The following CCL28 variants were observed in gnomAD, a reference collection of about 807,000 sequenced individuals.
CCL28 encodes C-C motif chemokine 28.
CCL28 carries 4 observed loss-of-function variants against 7.1 expected under a neutral mutation model. The observed-to-expected ratio is 0.56, with a 90% CI of 0.28 to 1.29. The LOEUF is 1.29. Among genes scored for constraint, CCL28 ranks in the 50% most tolerant of loss-of-function variants. The pLI, the probability that CCL28 is intolerant of heterozygous loss-of-function variation, is 0.11. For missense variants in CCL28, 151 were observed against 163.4 expected (o/e 0.92, Z 0.41); for synonymous variants, 55 against 57.8 (o/e 0.95, Z 0.22).
intron 1 of CCL28, among the ~76,000 whole-genome samples, chr5:43,407,620 A>C (rs1222554564): frequency 6.6e-6 from 1 of 152,274 alleles, no homozygotes; most frequent in African/African-American, 2.4e-5. Flanking sequence ...AAGCAATGGC[A>C]ACAATAGCCA....
At chr5:43,409,348 C>A (rs1008570180) in intron 1 of CCL28, among the ~76,000 whole-genome samples, 1 of 152,108 alleles carries the variant, frequency 6.6e-6, no homozygotes, top group African/African-American at 2.4e-5. Context: ...ATTGCTTGAA[C>A]CCAGGAGGCG....
chr5:43,400,481 G>A (rs1259550212), intron 1 of CCL28, among the ~76,000 whole-genome samples: 1 of 152,092 alleles, frequency 6.6e-6, no homozygotes, highest in Non-Finnish European at 1.5e-5. Flanking sequence ...CACTGCGCCT[G>A]GCAGATTTTG....
chr5:43,407,223 C>T (rs1031874638), intron 1 of CCL28, among the ~76,000 whole-genome samples: 2 of 152,140 alleles, frequency 1.3e-5, no homozygotes, highest in Non-Finnish European at 2.9e-5. Flanking sequence ...GGAGGCATCA[C>T]ACTACCTGAC....
the CCL28 span, among the ~76,000 whole-genome samples, chr5:43,369,501 T>A: frequency 6.6e-6 from 1 of 152,182 alleles, no homozygotes; most frequent in Non-Finnish European, 1.5e-5. Context: ...CTTGGCTCAC[T>A]GCAACCTCCG....
chr5:43,393,423 C>T (rs574333603), intron 1 of CCL28, among the ~76,000 whole-genome samples: 2 of 151,844 alleles, frequency 1.3e-5, no homozygotes, highest in East Asian at 1.9e-4. Flanking sequence ...GGCACAATCT[C>T]GGCTCACTGC....
At chr5:43,401,590 G>C (rs576844495) in intron 1 of CCL28, among the ~76,000 whole-genome samples, 1 of 152,196 alleles carries the variant, frequency 6.6e-6, no homozygotes, top group East Asian at 1.9e-4. Flanking sequence ...ATCTACCTCA[G>C]GGTTATTGTG....
the CCL28 span, among the ~76,000 whole-genome samples, chr5:43,358,294 G>A: frequency 6.6e-6 from 1 of 152,188 alleles, no homozygotes; most frequent in Non-Finnish European, 1.5e-5. Flanking sequence ...TAGAATGAGT[G>A]TTGCCATGAG....
chr5:43,387,299 C>A (rs1740380849), intron 2 of CCL28, among the ~76,000 whole-genome samples: 1 of 152,186 alleles, frequency 6.6e-6, no homozygotes, highest in Admixed American at 6.5e-5. Flanking sequence ...AACCGTGTAA[C>A]CTGAGTCACA....
intron 1 of CCL28, among the ~76,000 whole-genome samples, chr5:43,388,779 C>T (rs900110769): frequency 5.9e-5 from 9 of 152,188 alleles, no homozygotes; most frequent in Admixed American, 3.9e-4. Context: ...GAGGTCAACA[C>T]GGTGTTTCAT....
At chr5:43,376,629 C>T (rs1205012181), downstream of CCL28, 3 of 152,222 alleles carry the variant, frequency 2.0e-5, no homozygotes, top group African/African-American at 7.2e-5. Context: ...CAGACTGATA[C>T]ATTGAGACAG....
intron 1 of CCL28, among the ~76,000 whole-genome samples, chr5:43,409,927 T>C (rs1039269002): frequency 2.0e-5 from 3 of 152,072 alleles, no homozygotes; most frequent in Admixed American, 1.3e-4. Flanking sequence ...TGCCCTACCT[T>C]TGGGCAGAAT....
chr5:43,372,429 G>C (rs1739801873), downstream of CCL28, among the ~76,000 whole-genome samples: 1 of 150,072 alleles, frequency 6.7e-6, no homozygotes, highest in African/African-American at 2.5e-5. Context: ...AGTGCAGTGG[G>C]GCAATCTCAG....
the CCL28 span, among the ~76,000 whole-genome samples, chr5:43,358,345 A>G: frequency 6.6e-6 from 1 of 152,214 alleles, no homozygotes; most frequent in East Asian, 1.9e-4. Flanking sequence ...AAAAGGTCAT[A>G]AAAAAGCAAA....
chr5:43,370,086 C>G, the CCL28 span, among the ~76,000 whole-genome samples: 33 of 152,146 alleles, frequency 2.2e-4, no homozygotes, highest in Non-Finnish European at 1.6e-4. Flanking sequence ...TTGGACTTTC[C>G]AGTCCCAACC....
chr5:43,399,508 A>G (rs992879438), intron 1 of CCL28, among the ~76,000 whole-genome samples: 1 of 152,204 alleles, frequency 6.6e-6, no homozygotes, highest in African/African-American at 2.4e-5. Context: ...CCCCCACCAC[A>G]TAGCACATTG....
chr5:43,386,703 T>C (rs1404705232), intron 2 of CCL28, among the ~76,000 whole-genome samples: 2 of 152,216 alleles, frequency 1.3e-5, no homozygotes, highest in Admixed American at 6.5e-5. Flanking sequence ...CTGATGAAAG[T>C]CTATCAACAG....
At chr5:43,370,644 C>T in the CCL28 span, among the ~76,000 whole-genome samples, 1 of 152,048 alleles carries the variant, frequency 6.6e-6, no homozygotes, top group Non-Finnish European at 1.5e-5. Context: ...GGCTAAGCAC[C>T]TTCTTGAGAA....
rs1288406465 is a variant in CCL28 at position 43,380,846 on chromosome 5, G to T, written c.*1014C>A. On this transcript the variant is annotated 3_prime_UTR_variant, in exon 3 of 3. Coordinates refer to ENST00000361115, the MANE Select transcript of CCL28 (RefSeq NM_148672.3). ...TAAAAATTAAAAAAAAAAGACAGAGGAACTTTCTTAGATTGAAAGATATTA... is the reference window on the plus strand; with the variant it reads ...TAAAAATTAAAAAAAAAAGACAGAGTAACTTTCTTAGATTGAAAGATATTA... 1 of 151,342 alleles carries T rather than the reference G, an allele frequency of 6.6e-6. No individual in the cohort carries two copies. The highest frequency in any genetic ancestry group is 1.5e-5 in the Non-Finnish European group (1 of 67,884). 9.4% of individuals were successfully genotyped at this position (151,342 alleles called of 1,614,324 possible).
chr5:43,395,298 T>A lies in CCL28; in HGVS notation c.65-6822A>T, dbSNP rs558463830. On this transcript the variant is annotated intron_variant, in intron 1 of 2. Coordinates refer to ENST00000361115, the MANE Select transcript of CCL28 (RefSeq NM_148672.3). ...TCTACTTTATTCTCACAAAGTGTCATAGCTTTATCTCACTGTATTTGCAGT... is the reference window on the plus strand; with the variant it reads ...TCTACTTTATTCTCACAAAGTGTCAAAGCTTTATCTCACTGTATTTGCAGT... Among the ~76,000 whole-genome samples, 3 of 152,078 alleles carry A rather than the reference T, an allele frequency of 2.0e-5. No individual in the cohort carries two copies. The East Asian group carries it at 5.8e-4, about 29-fold the overall frequency.
Sources: allele counts gnomAD v4.1 joint callset (sites outside exome capture counted in the v4.1 genomes callset), GRCh38; gene constraint gnomAD v4.1.1; transcripts MANE v1.5; gene names NCBI Gene and HGNC (gene_info 2026-07-23, HGNC 2026-07-21).